ARID1B: variants seen among roughly 807,000 people sequenced by gnomAD.
The protein encoded by ARID1B is AT-rich interaction domain 1B, also known as AT-rich interactive domain-containing protein 1B.
A neutral mutation model predicts 212.3 loss-of-function variants in ARID1B; 30 were observed. That is an observed-to-expected ratio of 0.14 (90% CI 0.11 to 0.19). The LOEUF (loss-of-function observed/expected upper bound fraction) is 0.19. Ranked by LOEUF, ARID1B falls within the 10% of genes least tolerant of loss-of-function variation. The pLI, the probability that ARID1B is intolerant of heterozygous loss-of-function variation, is 1.00. For missense variants in ARID1B, 2,891 were observed against 3,204.0 expected, an observed-to-expected ratio of 0.90 and a Z score of 2.36; for synonymous variants, 1,402 against 1,301.7, an observed-to-expected ratio of 1.08 and a Z score of -1.66.
At chr6:157,155,197 C>CA (rs1790498430) in intron 8 of ARID1B, among the ~76,000 whole-genome samples, 1 of 152,142 alleles carries the variant, frequency 6.6e-6, no homozygotes, top group African/African-American at 2.4e-5. Context: ...CTTACTGGCA[C>CA]AAGGGCGGGT....
Position 157,097,162 on chromosome 6 carries a change from T to C in ARID1B, c.2491+12257T>C, listed in dbSNP as rs184814062. Among the ~76,000 whole-genome samples, 588 of 152,346 alleles carry C rather than the reference T, an allele frequency of 3.9e-3. 4 individuals carry two copies. Among genetic ancestry groups the C allele is most frequent in the African/African-American group, 0.013 (558 of 41,580 alleles). ...GAAAACAAGCTGTCATTAGTTAGTA[T>C]AATCACAAATGCAATGAAATTTTAA... On this transcript the variant is annotated intron_variant, in intron 5 of 19. Transcript: ENST00000636930.
chr6:157,004,897 C>CTTTTTTGTTTTTTTTTTGT (rs1562542228), intron 4 of ARID1B, among the ~76,000 whole-genome samples: 1 of 54,740 alleles, frequency 1.8e-5, no homozygotes, highest in African/African-American at 7.2e-5. Flanking sequence ...CTTCTTTTTT[C>CTTTTTTGTTTTTTTTTTGT]TTTTTTTTTT....
chr6:157,141,738 G>A (rs144093029), intron 7 of ARID1B, among the ~76,000 whole-genome samples: 23 of 152,224 alleles, frequency 1.5e-4, no homozygotes, highest in African/African-American at 4.8e-4. Flanking sequence ...CTAAAGCCAC[G>A]TTGATTTCTA....
intron 4 of ARID1B, among the ~76,000 whole-genome samples, chr6:156,960,010 A>G (rs535353972): frequency 6.9e-6 from 1 of 144,882 alleles, no homozygotes; most frequent in Admixed American, 7.2e-5. Context: ...GGCTCATTGC[A>G]ACCTCCGCCT....
Position 157,166,818 on chromosome 6 carries a change from A to G in ARID1B, c.3090-222A>G, listed in dbSNP as rs112087176. On this transcript the variant is annotated intron_variant, in intron 8 of 19. Transcript: ENST00000636930. ...TGACATGATTAAAAATGTGTAATTTACTTGCAGAACTTGTAATATTTGGAA... is the reference window on the plus strand; with the variant it reads ...TGACATGATTAAAAATGTGTAATTTGCTTGCAGAACTTGTAATATTTGGAA... The G allele has an allele frequency of 0.011, 5,026 of 455,828 alleles. 208 individuals carry two copies. Among genetic ancestry groups the G allele is most frequent in the African/African-American group, 0.089 (4,409 of 49,586 alleles). 28.2% of individuals were successfully genotyped at this position (455,828 alleles called of 1,614,324 possible). A position where few individuals can be genotyped will look rare whatever the true frequency, so the allele number is the denominator to read the frequency against.
intron 1 of ARID1B, among the ~76,000 whole-genome samples, chr6:156,787,389 A>G (rs1231377697): frequency 1.3e-5 from 2 of 152,292 alleles, no homozygotes; most frequent in East Asian, 3.9e-4. Context: ...GCAGTTCCAG[A>G]ATTCTTAGTA....
At chr6:157,100,692 C>T (rs1354585962) in intron 5 of ARID1B, among the ~76,000 whole-genome samples, 1 of 152,142 alleles carries the variant, frequency 6.6e-6, no homozygotes, top group Non-Finnish European at 1.5e-5. Flanking sequence ...CCATGAAATC[C>T]TTGTGCTGTG....
At chr6:156,959,774 T>TA (rs1428966397) in intron 4 of ARID1B, among the ~76,000 whole-genome samples, 1 of 152,032 alleles carries the variant, frequency 6.6e-6, no homozygotes, top group East Asian at 1.9e-4. Context: ...GGTAAGTAAA[T>TA]AAAAAATATG....
intron 4 of ARID1B, among the ~76,000 whole-genome samples, chr6:156,947,740 C>T (rs111635988): frequency 6.7e-4 from 101 of 151,770 alleles, no homozygotes; most frequent in Non-Finnish European, 1.3e-3. Flanking sequence ...AAAGGTTTTG[C>T]TTTAGGGATG....
chr6:157,062,709 T>A (rs200289071), intron 4 of ARID1B, among the ~76,000 whole-genome samples: 4,525 of 147,442 alleles, frequency 0.031, 142 homozygotes, highest in East Asian at 0.17. Flanking sequence ...TATATATATT[T>A]TTTTTTTTTT....
chr6:156,834,944 A>G (rs1057414000), intron 2 of ARID1B, among the ~76,000 whole-genome samples: 1 of 152,144 alleles, frequency 6.6e-6, no homozygotes, highest in African/African-American at 2.4e-5. Flanking sequence ...TACTAAGAAA[A>G]TATTTTTGGG....
At chr6:157,179,553 G>GT (rs1371221974) in intron 11 of ARID1B, among the ~76,000 whole-genome samples, 1 of 152,130 alleles carries the variant, frequency 6.6e-6, no homozygotes, top group Admixed American at 6.5e-5. Flanking sequence ...GTGATGTGAA[G>GT]TTTAACCTCA....
chr6:157,143,529 G>A (rs1455391366), intron 7 of ARID1B, among the ~76,000 whole-genome samples: 2 of 151,980 alleles, frequency 1.3e-5, no homozygotes, highest in Non-Finnish European at 2.9e-5. Flanking sequence ...CATTGATGAC[G>A]ATGGCAGCTG....
chr6:157,075,612 A>G (rs1784252845), intron 4 of ARID1B, among the ~76,000 whole-genome samples: 1 of 152,262 alleles, frequency 6.6e-6, no homozygotes, highest in Admixed American at 6.5e-5. Flanking sequence ...TAACTTAACA[A>G]TGGAGAAACC....
intron 3 of ARID1B, chr6:156,901,818 C>A: frequency 4.8e-6 from 2 of 418,352 alleles, no homozygotes; most frequent in Non-Finnish European, 8.5e-6. Flanking sequence ...CTGAACCTTT[C>A]AAGAAAGCAC....
intron 8 of ARID1B, chr6:157,152,352 G>A (rs1383428942): frequency 2.0e-5 from 3 of 152,192 alleles, no homozygotes; most frequent in African/African-American, 7.2e-5. Flanking sequence ...ATTTCAGCCA[G>A]CAGCATCCAG....
intron 4 of ARID1B, among the ~76,000 whole-genome samples, chr6:156,961,650 G>A (rs73576063): frequency 6.6e-6 from 1 of 152,152 alleles, no homozygotes; most frequent in East Asian, 1.9e-4. Flanking sequence ...GGCCAGAAGG[G>A]CAGGGTCGCT....
At chr6:156,782,835 TTA>T (rs1448923889) in intron 1 of ARID1B, among the ~76,000 whole-genome samples, 1 of 152,156 alleles carries the variant, frequency 6.6e-6, no homozygotes, top group African/African-American at 2.4e-5. Flanking sequence ...GGCCTATCAT[TTA>T]AAAAACAGGA....
intron 4 of ARID1B, among the ~76,000 whole-genome samples, chr6:157,031,793 A>G (rs1202604742): frequency 6.6e-6 from 1 of 152,060 alleles, no homozygotes; most frequent in Non-Finnish European, 1.5e-5. Context: ...AAAACAAATG[A>G]AATTTTTTTT....
Sources: allele counts gnomAD v4.1 joint callset (sites outside exome capture counted in the v4.1 genomes callset), GRCh38; gene constraint gnomAD v4.1.1; transcripts MANE v1.5; gene names NCBI Gene and HGNC (gene_info 2026-07-23, HGNC 2026-07-21).